Variants in AGTPBP1 observed in about 807,000 individuals in gnomAD.
AGTPBP1 encodes the protein cytosolic carboxypeptidase 1.
A neutral mutation model predicts 143.9 loss-of-function variants in AGTPBP1; 70 were observed. The observed-to-expected ratio is 0.49, with a 90% CI of 0.40 to 0.59. AGTPBP1 has a LOEUF of 0.59. AGTPBP1 is among the 20% of genes least tolerant of loss of function. AGTPBP1 has a pLI of 0.00. For synonymous variants in AGTPBP1, 463 were observed against 500.2 expected, an observed-to-expected ratio of 0.93 and a Z score of 0.99; for missense variants, 1,229 against 1,464.5, an observed-to-expected ratio of 0.84 and a Z score of 2.62.
chr9:85,585,671 A>G (rs1828558602), intron 22 of AGTPBP1, 77 bp from the exon 23 acceptor site: 4 of 1,209,280 alleles, frequency 3.3e-6, no homozygotes, highest in East Asian at 5.6e-5. Context: ...ATATCAAGCC[A>G]ATAAACATGT....
At chr9:85,733,966 C>T (rs1040631079) in intron 1 of AGTPBP1, among the ~76,000 whole-genome samples, 10 of 152,122 alleles carry the variant, frequency 6.6e-5, no homozygotes, top group Non-Finnish European at 1.2e-4. Flanking sequence ...TAAAAACCTC[C>T]TTACAGGCTG....
intron 23 of AGTPBP1, among the ~76,000 whole-genome samples, chr9:85,580,676 G>A (rs1828201160): frequency 6.6e-6 from 1 of 152,114 alleles, no homozygotes. Flanking sequence ...ATCGTTCACG[G>A]TATTTGGTAG....
intron 13 of AGTPBP1, among the ~76,000 whole-genome samples, chr9:85,642,173 C>A (rs994398700): frequency 2.0e-5 from 3 of 152,080 alleles, no homozygotes; most frequent in African/African-American, 4.8e-5. Flanking sequence ...AGATCCTGGG[C>A]GATTTCATAG....
chr9:85,741,429 G>C (rs909554087), intron 1 of AGTPBP1: 18 of 985,028 alleles, frequency 1.8e-5, no homozygotes, highest in African/African-American at 1.7e-4. Flanking sequence ...CCGCGAGCTC[G>C]GGCCCGAGAG....
At chr9:85,681,163 G>T in intron 4 of AGTPBP1, 105 bp downstream of exon 4, 4 of 973,718 alleles carry the variant, frequency 4.1e-6, no homozygotes, top group Non-Finnish European at 6.3e-6. Context: ...ATATATGTAC[G>T]TGTGTATGTG....
At chr9:85,582,520 T>C (rs1828333507) in intron 23 of AGTPBP1, among the ~76,000 whole-genome samples, 1 of 151,902 alleles carries the variant, frequency 6.6e-6, no homozygotes, top group African/African-American at 2.4e-5. Context: ...CTACTAAAAA[T>C]ACAAAAAATA....
At chr9:85,706,509 CAAAAAAAA>C (rs781239393) in intron 2 of AGTPBP1, among the ~76,000 whole-genome samples, 2 of 62,270 alleles carry the variant, frequency 3.2e-5, no homozygotes, top group Non-Finnish European at 6.8e-5. Flanking sequence ...GACTCTGTCT[CAAAAAAAA>C]AAAAAAAAAG....
chr9:85,707,955 C>T (rs1197448587), intron 2 of AGTPBP1, among the ~76,000 whole-genome samples: 1 of 152,010 alleles, frequency 6.6e-6, no homozygotes, highest in Non-Finnish European at 1.5e-5. Flanking sequence ...GGAGAAATAC[C>T]TAATGTAGGT....
chr9:85,765,000 T>A, the AGTPBP1 span: 1 of 669,940 alleles, frequency 1.5e-6, no homozygotes, highest in Admixed American at 2.3e-5. Flanking sequence ...CTTTTTCACA[T>A]AATCATAAAT....
the AGTPBP1 span, among the ~76,000 whole-genome samples, chr9:85,794,873 C>A: frequency 2.0e-5 from 3 of 152,084 alleles, no homozygotes; most frequent in South Asian, 4.1e-4. Context: ...ATATTTTATT[C>A]TTTTTGATGC....
chr9:85,635,233 G>T (rs1037635921), intron 13 of AGTPBP1, among the ~76,000 whole-genome samples: 8 of 151,986 alleles, frequency 5.3e-5, no homozygotes, highest in African/African-American at 1.9e-4. Context: ...TTTAATCTGG[G>T]TTAATTTCCT....
chr9:85,666,950 A>G (rs937580764), intron 8 of AGTPBP1, among the ~76,000 whole-genome samples: 10 of 152,116 alleles, frequency 6.6e-5, no homozygotes, highest in African/African-American at 2.4e-4. Flanking sequence ...TACAGGAATC[A>G]TATCATTACA....
rs1825772651 is a variant in AGTPBP1, at chr9:85,546,972, T to C, written c.*137A>G. ...TTAATTAATAACACATTTATTATCT[T>C]GAAACCAAACTGGCCCAAGTTACTT... On this transcript the variant is annotated 3_prime_UTR_variant, in exon 26 of 26. Transcript: ENST00000357081. The C allele has an allele frequency of 1.2e-5, 10 of 816,662 alleles. No homozygotes were observed. In the East Asian group the frequency reaches 3.2e-4, roughly 26 times the overall value. 50.6% of individuals were successfully genotyped at this position (816,662 alleles called of 1,614,324 possible). A position where few individuals can be genotyped will look rare whatever the true frequency, so the allele number is the denominator to read the frequency against.
intron 23 of AGTPBP1, among the ~76,000 whole-genome samples, 165 bp from the exon 24 acceptor site, chr9:85,579,261 A>G (rs1196860418): frequency 1.3e-5 from 2 of 152,246 alleles, no homozygotes; most frequent in East Asian, 3.8e-4. Context: ...CCTCTTAACT[A>G]ATTTTAAATT....
chr9:85,770,275 T>C, the AGTPBP1 span: 7 of 1,532,780 alleles, frequency 4.6e-6, no homozygotes, highest in Non-Finnish European at 6.3e-6. Context: ...TGATTTCTGT[T>C]ATATCTAGGA....
chr9:85,630,461 CGATTGATTGATTGATT>C (rs71372435), intron 14 of AGTPBP1, among the ~76,000 whole-genome samples: 2,194 of 148,930 alleles, frequency 0.015, 17 homozygotes, highest in Middle Eastern at 0.055. Flanking sequence ...TGCAGTGGCA[CGATTGATTGATTGATT>C]GATTGATTGA....
At chr9:85,711,905 T>A (rs1326889795) in intron 2 of AGTPBP1, among the ~76,000 whole-genome samples, 1 of 152,226 alleles carries the variant, frequency 6.6e-6, no homozygotes, top group East Asian at 1.9e-4. Flanking sequence ...TATTTATAGA[T>A]GCTGAAATGC....
chr9:85,766,325 G>C, the AGTPBP1 span, among the ~76,000 whole-genome samples: 1 of 152,128 alleles, frequency 6.6e-6, no homozygotes, highest in East Asian at 1.9e-4. Context: ...ATTCATCAAG[G>C]CAGCCTCAGT....
intron 25 of AGTPBP1, among the ~76,000 whole-genome samples, chr9:85,550,676 T>C (rs1825985588): frequency 1.3e-5 from 2 of 152,156 alleles, no homozygotes; most frequent in African/African-American, 4.8e-5. Flanking sequence ...CCGTCTCACG[T>C]GCACCTCAAA....
Sources: gnomAD v4.1 joint callset for allele counts (sites outside exome capture counted in the v4.1 genomes callset) on GRCh38, gnomAD v4.1.1 for gene constraint, MANE v1.5 for transcripts, NCBI Gene and HGNC (gene_info 2026-07-23, HGNC 2026-07-21) for gene names.